SMAP1: variants seen among roughly 807,000 people sequenced by gnomAD.
SMAP1 encodes the protein small ArfGAP 1.
A neutral mutation model predicts 58.5 loss-of-function variants in SMAP1; 24 were observed. That is an observed-to-expected ratio of 0.41 (90% CI 0.30 to 0.58). The LOEUF (loss-of-function observed/expected upper bound fraction) is 0.58, where lower values mean the gene tolerates loss of function less well. Among genes scored for constraint, SMAP1 ranks in the 20% least tolerant of loss-of-function variants. The pLI, the probability that SMAP1 is intolerant of heterozygous loss-of-function variation, is 0.29. For synonymous variants in SMAP1, 216 were observed against 196.6 expected (o/e 1.10, Z -0.82); for missense variants, 563 against 566.3 (o/e 0.99, Z 0.06).
intron 1 of SMAP1, among the ~76,000 whole-genome samples, chr6:70,717,917 T>C (rs1032204058): frequency 2.6e-5 from 4 of 152,210 alleles, no homozygotes; most frequent in Non-Finnish European, 5.9e-5. Flanking sequence ...TTATCTTATA[T>C]ATCTATTTTA....
At chr6:70,842,251 T>C (rs1272702822) in intron 7 of SMAP1, among the ~76,000 whole-genome samples, 1 of 152,244 alleles carries the variant, frequency 6.6e-6, no homozygotes, top group Non-Finnish European at 1.5e-5. Flanking sequence ...CAGAAAAGTA[T>C]GTTCAGTGAA....
intron 1 of SMAP1, among the ~76,000 whole-genome samples, chr6:70,716,828 T>C (rs1768287948): frequency 6.6e-6 from 1 of 152,082 alleles, no homozygotes; most frequent in African/African-American, 2.4e-5. Flanking sequence ...CCTTGTTGGG[T>C]AAATTGCATA....
At chr6:70,859,282 G>A (rs1417268808) in intron 10 of SMAP1, 2 of 1,380,650 alleles carry the variant, frequency 1.4e-6, no homozygotes, top group Admixed American at 2.3e-5. Flanking sequence ...CTCAGGTTAA[G>A]GTGCTAGATG....
chr6:70,809,931 T>A (rs1339085583), intron 6 of SMAP1, among the ~76,000 whole-genome samples: 1 of 152,182 alleles, frequency 6.6e-6, no homozygotes, highest in Non-Finnish European at 1.5e-5. Context: ...TTAGTGTTGC[T>A]TCCCTGTTGC....
chr6:70,674,558 C>T (rs545071820), intron 1 of SMAP1, among the ~76,000 whole-genome samples: 140 of 152,242 alleles, frequency 9.2e-4, no homozygotes, highest in Non-Finnish European at 1.5e-3. Flanking sequence ...AAGAGTTGAC[C>T]GCCTTACATT....
intron 1 of SMAP1, among the ~76,000 whole-genome samples, chr6:70,729,941 T>C (rs1185242812): frequency 6.6e-6 from 1 of 152,206 alleles, no homozygotes; most frequent in Non-Finnish European, 1.5e-5. Context: ...TAGGAGCTAC[T>C]CTGGGGGTCA....
At chr6:70,844,351 G>C (rs1473761223) in intron 7 of SMAP1, among the ~76,000 whole-genome samples, 1 of 152,194 alleles carries the variant, frequency 6.6e-6, no homozygotes, top group African/African-American at 2.4e-5. Context: ...GTGTGCATGT[G>C]TGTGTGGTGT....
chr6:70,860,155 A>G, intron 10 of SMAP1, 45 bp from the exon 11 acceptor site: 1 of 1,532,772 alleles, frequency 6.5e-7, no homozygotes, highest in Non-Finnish European at 8.8e-7. Context: ...CAAGAATTAA[A>G]AGTGAAGTAA....
intron 3 of SMAP1, among the ~76,000 whole-genome samples, chr6:70,758,522 A>AAAAT (rs896543413): frequency 1.3e-5 from 2 of 152,106 alleles, no homozygotes; most frequent in African/African-American, 2.4e-5. Flanking sequence ...AAGTATAATA[A>AAAAT]AAATAAATAA....
In SMAP1 at chr6:70,861,689, G is replaced by C; in HGVS notation, c.*1355G>C. ...TATACCTCAATTTTCACTGTGTCCA[G>C]GTGGTACTTTGGCTCGTTGGCTAGA... On this transcript the variant is annotated 3_prime_UTR_variant, in exon 11 of 11. Transcript: ENST00000370455. 6.2e-7 allele frequency: 1 copy of C among 1,614,096 alleles called. No homozygotes were observed. Among genetic ancestry groups the C allele is most frequent in the East Asian group, 2.2e-5 (1 of 44,878 alleles).
intron 4 of SMAP1, among the ~76,000 whole-genome samples, chr6:70,776,766 T>C (rs567364129): frequency 1.3e-5 from 2 of 152,316 alleles, no homozygotes; most frequent in South Asian, 2.1e-4. Context: ...GCCTGACTTA[T>C]TTTACTTAGC....
chr6:70,757,302 A>C (rs2149892182), intron 3 of SMAP1, among the ~76,000 whole-genome samples: 1 of 150,086 alleles, frequency 6.7e-6, no homozygotes, highest in South Asian at 2.1e-4. Context: ...GTGCTGGGAA[A>C]ACTGGCTAGC....
Position 70,858,022 on chromosome 6 carries a change from C to A in SMAP1, c.1062C>A (p.Gly354=). ...SMGVPVPAAP[G]LIGNVMGQSP... ...GCGTGCCTGTGCCTGCAGCTCCTGG[C>A]CTTATAGGAAATGTGATGGGACAGA... Residue 354 remains glycine (G), a synonymous_variant, in exon 10 of 11, where the codon GGC becomes GGA. Transcript: ENST00000370455. 1 of 1,614,124 alleles carries A rather than the reference C, an allele frequency of 6.2e-7. No homozygotes were observed. Among genetic ancestry groups the A allele is most frequent in the Non-Finnish European group, 8.5e-7 (1 of 1,180,014 alleles).
intron 1 of SMAP1, among the ~76,000 whole-genome samples, chr6:70,712,764 TTTC>T (rs932808956): frequency 1.4e-5 from 2 of 145,786 alleles, no homozygotes; most frequent in Non-Finnish European, 2.9e-5. Flanking sequence ...TTTTATTGCT[TTTC>T]TTTTCTTTTC....
intron 6 of SMAP1, among the ~76,000 whole-genome samples, chr6:70,807,566 C>G (rs1433181463): frequency 6.6e-6 from 1 of 152,160 alleles, no homozygotes; most frequent in Non-Finnish European, 1.5e-5. Context: ...GAGGAGTACT[C>G]TATTAAAGGA....
chr6:70,790,328 GA>G (rs1768292192), intron 4 of SMAP1, among the ~76,000 whole-genome samples: 2 of 152,044 alleles, frequency 1.3e-5, no homozygotes, highest in Non-Finnish European at 2.9e-5. Context: ...TTTTAGTAGA[GA>G]CGGTTCCCCA....
chr6:70,823,011 T>A (rs1302724873), intron 6 of SMAP1, among the ~76,000 whole-genome samples: 96 of 152,154 alleles, frequency 6.3e-4, no homozygotes, highest in Non-Finnish European at 1.2e-3. Context: ...TCTCTCTTTA[T>A]ATTACCTATC....
rs1255310640 is a variant in SMAP1, at chr6:70,791,753, A to G, written c.479A>G (p.Asp160Gly). 6.2e-7 allele frequency: 1 copy of G among 1,613,246 alleles called. No individual in the cohort carries two copies. Among genetic ancestry groups the G allele is most frequent in the African/African-American group, 1.3e-5 (1 of 74,956 alleles). The change falls in exon 5 of 11, where the codon GAC becomes GGC. Residue 160 changes from aspartate to glycine, a missense_variant. Physicochemically the swap from Asp to Gly is moderately conservative, Grantham distance 94 (BLOSUM62 -1). Transcript: ENST00000370455. ...TCTCCTTCTCTGCAAGCTGCTGTTG[A>G]CAAAAATAAATTGGAGGTATGGTCA... ...VSSPSLQAAV[D>G]KNKLEKEKEK...
intron 2 of SMAP1, among the ~76,000 whole-genome samples, chr6:70,732,945 C>T (rs1765484659): frequency 6.6e-6 from 1 of 151,966 alleles, no homozygotes; most frequent in Non-Finnish European, 1.5e-5. Context: ...GTAAGACAAC[C>T]CAGTGAACAA....
Sources: gnomAD v4.1 joint callset for allele counts (sites outside exome capture counted in the v4.1 genomes callset) on GRCh38, gnomAD v4.1.1 for gene constraint, MANE v1.5 for transcripts, NCBI Gene and HGNC (gene_info 2026-07-23, HGNC 2026-07-21) for gene names.